KCNC1: variants seen among roughly 807,000 people sequenced by gnomAD.
The protein encoded by KCNC1 is voltage-gated potassium channel KCNC1.
KCNC1 carries 8 observed loss-of-function variants against 43.4 expected under a neutral mutation model. The ratio of observed to expected loss-of-function variants is 0.18; its 90% CI spans 0.11 to 0.33. KCNC1 has a LOEUF of 0.33. Ranked by LOEUF, KCNC1 falls within the 10% of genes least tolerant of loss-of-function variation. KCNC1 has a pLI of 1.00. For missense variants in KCNC1, 420 were observed against 836.0 expected, an observed-to-expected ratio of 0.50 and a Z score of 6.14; for synonymous variants, 361 against 360.5, an observed-to-expected ratio of 1.00 and a Z score of -0.01.
rs1381695050 is a variant in KCNC1, at chr11:17,739,037, G to C, written c.570+2465G>C. Among the ~76,000 whole-genome samples, 1 of 152,192 alleles carries C rather than the reference G, an allele frequency of 6.6e-6. No homozygotes were observed. Among genetic ancestry groups the C allele is most frequent in the African/African-American group, 2.4e-5 (1 of 41,454 alleles). ...ACCCCAGCTTCCTGCCGCCCGCCCGGCTGGCCTAGCTGCACTGCGCTGCCT... is the reference window on the plus strand; with the variant it reads ...ACCCCAGCTTCCTGCCGCCCGCCCGCCTGGCCTAGCTGCACTGCGCTGCCT... On this transcript the variant is annotated intron_variant, in intron 1 of 3. Transcript: ENST00000265969. The surrounding 1 kb of genome is among the most constrained non-coding windows in gnomAD (Gnocchi z 4.2).
rs760446616 is a variant in KCNC1 at position 17,736,221 on chromosome 11, G to T, written c.219G>T (p.Thr73=). The T allele has an allele frequency of 3.1e-6, 5 of 1,613,730 alleles. No homozygotes were observed. The highest frequency in any genetic ancestry group is 1.7e-5 in the Admixed American group (1 of 59,996). The part of the protein sequence containing the change: ...VFAHILNYYR[T]GKLHCPADVC... Reference sequence around the variant, plus strand: ...CGCACATCCTGAACTACTACCGCACGGGCAAGCTGCACTGCCCAGCCGACG... The same window carrying T: ...CGCACATCCTGAACTACTACCGCACTGGCAAGCTGCACTGCCCAGCCGACG... The change falls in exon 1 of 4, where the codon ACG becomes ACT. Residue 73 remains threonine (T), a synonymous_variant. Coordinates refer to ENST00000265969, the MANE Select transcript of KCNC1 (RefSeq NM_001112741.2). The surrounding 1 kb of genome is among the most constrained non-coding windows in gnomAD (Gnocchi z 9.3).
intron 1 of KCNC1, among the ~76,000 whole-genome samples, chr11:17,764,246 TAC>T (rs762046789): frequency 1.5e-5 from 2 of 135,004 alleles, no homozygotes; most frequent in Non-Finnish European, 1.6e-5. Context: ...CATAGTCCCA[TAC>T]ACACACACAC....
intron 1 of KCNC1, among the ~76,000 whole-genome samples, chr11:17,764,202 A>T (rs1276340532): frequency 6.8e-6 from 1 of 146,596 alleles, no homozygotes; most frequent in Non-Finnish European, 1.5e-5. Flanking sequence ...AGCCCCATAG[A>T]CACACACATA....
intron 1 of KCNC1, among the ~76,000 whole-genome samples, chr11:17,768,398 C>T (rs1007528091): frequency 1.6e-4 from 24 of 152,034 alleles, no homozygotes; most frequent in Non-Finnish European, 1.5e-5. Flanking sequence ...GGGAGAGGAC[C>T]CTGGGAAATC....
chr11:17,772,501 C>A lies in KCNC1; in HGVS notation c.1407C>A (p.Pro469=). The A allele has an allele frequency of 6.2e-7, 1 of 1,614,184 alleles. No homozygotes were observed. Among genetic ancestry groups the A allele is most frequent in the Non-Finnish European group, 8.5e-7 (1 of 1,180,024 alleles). ...HIPRPPQLGS[P]NYCKSVVNSP... is the part of the protein sequence containing the mutation. Reference sequence around the variant, plus strand: ...CGCGGCCACCGCAGCTGGGATCTCCCAATTATTGTAAATCTGTCGTAAACT... The same window carrying A: ...CGCGGCCACCGCAGCTGGGATCTCCAAATTATTGTAAATCTGTCGTAAACT... The change falls in exon 2 of 4, where the codon CCC becomes CCA. Residue 469 remains proline (P), a synonymous_variant. Coordinates refer to ENST00000265969, the MANE Select transcript of KCNC1 (RefSeq NM_001112741.2).
chr11:17,738,854 T>C (rs932531705), intron 1 of KCNC1, among the ~76,000 whole-genome samples: 1 of 152,214 alleles, frequency 6.6e-6, no homozygotes, highest in South Asian at 2.1e-4. Flanking sequence ...GGTGCTCCCC[T>C]TCAGCCTGTC....
At chr11:17,752,257 C>T (rs1370476139) in intron 1 of KCNC1, among the ~76,000 whole-genome samples, 2 of 152,192 alleles carry the variant, frequency 1.3e-5, no homozygotes, top group African/African-American at 4.8e-5. Flanking sequence ...GCACTGTGAG[C>T]TCCAGGCTCC....
intron 1 of KCNC1, among the ~76,000 whole-genome samples, chr11:17,750,718 G>A (rs79371242): frequency 0.018 from 2,703 of 152,024 alleles, 83 homozygotes; most frequent in African/African-American, 0.063. Context: ...TGCTTATTCC[G>A]TTGCCTCCAC....
intron 1 of KCNC1, among the ~76,000 whole-genome samples, chr11:17,746,904 G>T (rs1434191670): frequency 2.0e-5 from 3 of 152,180 alleles, no homozygotes; most frequent in Non-Finnish European, 4.4e-5. Flanking sequence ...GAGGGGTATT[G>T]ATAGCACCTG....
At chr11:17,738,343 G>A (rs1848794632) in intron 1 of KCNC1, among the ~76,000 whole-genome samples, 1 of 152,022 alleles carries the variant, frequency 6.6e-6, no homozygotes, top group Non-Finnish European at 1.5e-5. Flanking sequence ...GCTGGAGGAG[G>A]GGGATGGGAG....
At position 17,736,409 on chromosome 11, in the gene KCNC1, C is replaced by T; in HGVS notation, c.407C>T (p.Ala136Val). The change falls in exon 1 of 4, where the codon GCC becomes GTC. Residue 136 changes from alanine to valine, a missense_variant. Coordinates refer to ENST00000265969, the MANE Select transcript of KCNC1 (RefSeq NM_001112741.2). This position sits in a 1 kb window ranked among gnomAD's most constrained non-coding sequence, Gnocchi z 9.3. ...GACAACAGCGCCGACGACGCGGACGCCGACGGCCCTGGCGACTCGGGCGAC... is the reference window on the plus strand; with the variant it reads ...GACAACAGCGCCGACGACGCGGACGTCGACGGCCCTGGCGACTCGGGCGAC... ...PLDNSADDAD[A>V]DGPGDSGDGE... The T allele has an allele frequency of 6.2e-7, 1 of 1,609,112 alleles. No individual in the cohort carries two copies. Among genetic ancestry groups the T allele is most frequent in the Non-Finnish European group, 8.5e-7 (1 of 1,178,478 alleles).
rs368586147 is a variant in KCNC1, at chr11:17,745,779, AG to A, written c.570+9208del. On this transcript the variant is annotated intron_variant, in intron 1 of 3. Transcript: ENST00000265969. Reference sequence around the variant, plus strand: ...CTGGCATGCTTTTCCCTTGGGTATCAGCTCTCACACCCCCTCCAGGTCTATA... The same window carrying A: ...CTGGCATGCTTTTCCCTTGGGTATCACTCTCACACCCCCTCCAGGTCTATA... Among the ~76,000 whole-genome samples, 121 of 152,056 alleles carry A rather than the reference AG, an allele frequency of 8.0e-4. 1 individual carries two copies. The highest frequency in any genetic ancestry group is 6.8e-3 in the Middle Eastern group (2 of 294).
rs75324474 is a variant in KCNC1 at position 17,762,015 on chromosome 11, C to T, written c.571-9650C>T. Among the ~76,000 whole-genome samples, 763 of 152,338 alleles carry T rather than the reference C, an allele frequency of 5.0e-3. 5 individuals are homozygous for T. The highest frequency in any genetic ancestry group is 0.017 in the African/African-American group (711 of 41,580). On this transcript the variant is annotated intron_variant, in intron 1 of 3. Transcript: ENST00000265969. ...TACCCTTCCAGGGGCATGGGTTTAGCCCCCACCAGGGCCTCCTTGTTGCTA... is the reference window on the plus strand; with the variant it reads ...TACCCTTCCAGGGGCATGGGTTTAGTCCCCACCAGGGCCTCCTTGTTGCTA...
chr11:17,773,858 G>A lies in KCNC1; in HGVS notation c.1504+1260G>A. The A allele has an allele frequency of 1.0e-6, 1 of 985,494 alleles. No homozygotes were observed. Among genetic ancestry groups the A allele is most frequent in the Non-Finnish European group, 1.2e-6 (1 of 829,968 alleles). 61.0% of individuals were successfully genotyped at this position (985,494 alleles called of 1,614,324 possible). On this transcript the variant is annotated intron_variant, in intron 2 of 3. Transcript: ENST00000265969. The surrounding 1 kb of genome is among the most constrained non-coding windows in gnomAD (Gnocchi z 4.1). ...GAGCAGGAGGTTGACGTGACAGGTGGCATTTAGTCTATGAAGGACCTCCCC... is the reference window on the plus strand; with the variant it reads ...GAGCAGGAGGTTGACGTGACAGGTGACATTTAGTCTATGAAGGACCTCCCC...
chr11:17,777,541 G>C lies in KCNC1; in HGVS notation c.1505-1915G>C. On this transcript the variant is annotated intron_variant, in intron 2 of 3. Coordinates refer to ENST00000265969, the MANE Select transcript of KCNC1 (RefSeq NM_001112741.2). This position sits in a 1 kb window ranked among gnomAD's most constrained non-coding sequence, Gnocchi z 4.3. ...TGGAAGACTGGGCCAGCCAGAGTGG[G>C]AGGCAGGACCAGCGTGTCTGCGAGC... 1.0e-6 allele frequency: 1 copy of C among 985,950 alleles called. No individual in the cohort carries two copies. The highest frequency in any genetic ancestry group is 1.2e-6 in the Non-Finnish European group (1 of 830,018). The allele number at this position is 985,950 out of a possible 1,614,324, so 61.1% of individuals were successfully genotyped here. A position where few individuals can be genotyped will look rare whatever the true frequency, so the allele number is the denominator to read the frequency against.
intron 1 of KCNC1, among the ~76,000 whole-genome samples, chr11:17,753,827 T>A (rs535993851): frequency 6.4e-4 from 97 of 152,274 alleles, no homozygotes; most frequent in African/African-American, 2.2e-3. Context: ...CAGATTCCAA[T>A]TCCGATGCCC....
chr11:17,743,788 C>T lies in KCNC1; in HGVS notation c.570+7216C>T, dbSNP rs117144908. On this transcript the variant is annotated intron_variant, in intron 1 of 3. Transcript: ENST00000265969. The stretch of plus-strand genomic sequence containing the variant: ...CCTCTGGGGTTTTGGTCATCTATTC[C>T]CCTCACTTCAGTGTCCTCCCTGCTT... 9.2e-5 allele frequency among the ~76,000 whole-genome samples: 14 copies of T among 152,336 alleles called. No individual in the cohort carries two copies. In the East Asian group the frequency reaches 2.3e-3, roughly 25 times the overall value.
intron 1 of KCNC1, among the ~76,000 whole-genome samples, chr11:17,756,531 AC>A (rs1849024472): frequency 6.8e-6 from 1 of 146,394 alleles, no homozygotes; most frequent in East Asian, 2.0e-4. Flanking sequence ...ACACACACAC[AC>A]ACACACACAC....
At chr11:17,752,701 T>G (rs1848982416) in intron 1 of KCNC1, among the ~76,000 whole-genome samples, 1 of 152,238 alleles carries the variant, frequency 6.6e-6, no homozygotes, top group Non-Finnish European at 1.5e-5. Flanking sequence ...ACTTCCCGGT[T>G]GTATGACCAT....
Sources: gnomAD v4.1 joint callset for allele counts (sites outside exome capture counted in the v4.1 genomes callset) on GRCh38, gnomAD v4.1.1 for gene constraint, Gnocchi (gnomAD v3.1) non-coding constraint, MANE v1.5 for transcripts, NCBI Gene and HGNC (gene_info 2026-07-23, HGNC 2026-07-21) for gene names.